The following KSR2 variants were observed in gnomAD, a reference collection of about 807,000 sequenced individuals.
KSR2 encodes kinase suppressor of ras 2.
KSR2 carries 25 observed loss-of-function variants against 107.8 expected under a neutral mutation model. The ratio of observed to expected loss-of-function variants is 0.23; its 90% CI spans 0.17 to 0.32. The LOEUF (loss-of-function observed/expected upper bound fraction) is 0.32, where lower values mean the gene tolerates loss of function less well. KSR2 is among the 10% of genes least tolerant of loss of function. The pLI is 1.00. For missense variants in KSR2, 887 were observed against 1,268.9 expected (o/e 0.70, Z 4.57); for synonymous variants, 480 against 507.0 (o/e 0.95, Z 0.71).
chr12:117,697,909 A>C (rs1433156235), intron 4 of KSR2, among the ~76,000 whole-genome samples: 4 of 152,138 alleles, frequency 2.6e-5, no homozygotes, highest in African/African-American at 4.8e-5. Flanking sequence ...TCATAACTGG[A>C]GTAGGGTGGA....
At chr12:117,835,089 T>C (rs1892145407) in intron 3 of KSR2, among the ~76,000 whole-genome samples, 1 of 152,092 alleles carries the variant, frequency 6.6e-6, no homozygotes, top group African/African-American at 2.4e-5. Context: ...CCTCAGGCAT[T>C]TGGCAGACCA....
chr12:117,724,893 T>A, intron 4 of KSR2, among the ~76,000 whole-genome samples: 1 of 151,236 alleles, frequency 6.6e-6, no homozygotes, highest in Admixed American at 6.6e-5. Flanking sequence ...GTCAAGAGAG[T>A]CAAAGACAAG....
rs552764447 is a variant in KSR2 at position 117,551,727 on chromosome 12, A to G, written c.1518+3442T>C. On this transcript the variant is annotated intron_variant, in intron 9 of 19. Transcript: ENST00000339824. Reference sequence around the variant, plus strand: ...ACCACATCATTGCCTGACAAGAAGAATCTGTGTGAAGCCAGCGAGAAGGGA... The same window carrying G: ...ACCACATCATTGCCTGACAAGAAGAGTCTGTGTGAAGCCAGCGAGAAGGGA... Among the ~76,000 whole-genome samples, 5 of 152,360 alleles carry G rather than the reference A, an allele frequency of 3.3e-5. No homozygotes were observed. In the South Asian group the frequency reaches 1.0e-3, roughly 32 times the overall value.
At chr12:117,742,162 G>C (rs902037292) in intron 4 of KSR2, among the ~76,000 whole-genome samples, 1 of 152,142 alleles carries the variant, frequency 6.6e-6, no homozygotes, top group Non-Finnish European at 1.5e-5. Flanking sequence ...AAAAAAACAA[G>C]TTGAAAGATA....
At chr12:117,830,793 A>G (rs6490158) in intron 3 of KSR2, among the ~76,000 whole-genome samples, 11,531 of 152,158 alleles carry the variant, frequency 0.076, 1,352 homozygotes, top group African/African-American at 0.24. Context: ...AAGACATGAT[A>G]CTGTTTGGGT....
rs142437767 is a variant in KSR2, at chr12:117,638,611, G to A, written c.1171+28863C>T. ...TAAAAGATATACTATTTAGGGACAT[G>A]TACATGTGAGGTTTCCCACAGGGGA... On this transcript the variant is annotated intron_variant, in intron 5 of 19. Coordinates refer to ENST00000339824, the MANE Select transcript of KSR2 (RefSeq NM_173598.6). Among the ~76,000 whole-genome samples, 56 of 152,244 alleles carry A rather than the reference G, an allele frequency of 3.7e-4. No homozygotes were observed. The East Asian group carries it at 9.7e-3, about 26-fold the overall frequency.
rs897038804 is a variant in KSR2, at chr12:117,606,828, C to G, written c.1172-24469G>C. On this transcript the variant is annotated intron_variant, in intron 5 of 19. Coordinates refer to ENST00000339824, the MANE Select transcript of KSR2 (RefSeq NM_173598.6). ...TCCTTTCTCCTCTCTCTCCCTCTCT[C>G]CCTGTTTTCCTCAATGAAGAAAACG... Among the ~76,000 whole-genome samples, 24 of 151,842 alleles carry G rather than the reference C, an allele frequency of 1.6e-4. 1 individual carries two copies. Among genetic ancestry groups the G allele is most frequent in the Admixed American group, 8.5e-4 (13 of 15,236 alleles).
chr12:117,615,214 TACACACACACACAC>T (rs57116320), intron 5 of KSR2, among the ~76,000 whole-genome samples: 12,147 of 147,604 alleles, frequency 0.082, 912 homozygotes, highest in East Asian at 0.22. Flanking sequence ...TCTCTTCAGT[TACACACACACACAC>T]ACACACACAC....
intron 5 of KSR2, among the ~76,000 whole-genome samples, chr12:117,660,415 C>A (rs2136462737): frequency 6.6e-6 from 1 of 152,276 alleles, no homozygotes; most frequent in Non-Finnish European, 1.5e-5. Context: ...CTCTGGCAAT[C>A]CTTGGTGTTC....
At chr12:117,686,215 ATTTTTTTTTTTTTTTTTT>A (rs55772468) in intron 4 of KSR2, among the ~76,000 whole-genome samples, 1 of 78,042 alleles carries the variant, frequency 1.3e-5, no homozygotes, top group Non-Finnish European at 2.2e-5. Context: ...CACCCAGCTA[ATTTTTTTTTTTTTTTTTT>A]TTTTTTTTTT....
chr12:117,575,010 C>G (rs10507282), intron 7 of KSR2, among the ~76,000 whole-genome samples: 16,077 of 152,074 alleles, frequency 0.11, 981 homozygotes, highest in East Asian at 0.18. Context: ...TTGCAAAGTT[C>G]TCACTCAGGT....
chr12:117,900,000 T>A (rs1894633717), intron 1 of KSR2, among the ~76,000 whole-genome samples: 1 of 152,110 alleles, frequency 6.6e-6, no homozygotes, highest in Admixed American at 6.5e-5. Context: ...TAGAAGCAGA[T>A]CTCCCCCAGT....
At chr12:117,789,705 G>A (rs1158957258) in intron 3 of KSR2, among the ~76,000 whole-genome samples, 3 of 152,110 alleles carry the variant, frequency 2.0e-5, no homozygotes, top group Non-Finnish European at 2.9e-5. Flanking sequence ...AAAACGTAAT[G>A]CTTGAGGGAA....
intron 4 of KSR2, among the ~76,000 whole-genome samples, chr12:117,670,631 T>A (rs1011887684): frequency 6.6e-6 from 1 of 152,162 alleles, no homozygotes. Flanking sequence ...TTTTGCTTCA[T>A]CCACCTCTTT....
At chr12:117,525,519 C>T (rs556107603) in intron 13 of KSR2, among the ~76,000 whole-genome samples, 1 of 152,226 alleles carries the variant, frequency 6.6e-6, no homozygotes, top group South Asian at 2.1e-4. Flanking sequence ...CTGGAATCTT[C>T]CTGGTTTTAG....
intron 4 of KSR2, among the ~76,000 whole-genome samples, chr12:117,714,292 C>A (rs1332682177): frequency 6.6e-6 from 1 of 152,058 alleles, no homozygotes; most frequent in Non-Finnish European, 1.5e-5. Flanking sequence ...TTTCTTCACC[C>A]CAACATGTAC....
chr12:117,858,234 T>C (rs574504990), intron 2 of KSR2, among the ~76,000 whole-genome samples: 48 of 152,280 alleles, frequency 3.2e-4, no homozygotes, highest in African/African-American at 1.0e-3. Context: ...TAGAATCGAA[T>C]CGTTTCTACC....
At chr12:117,753,332 G>GT in intron 4 of KSR2, among the ~76,000 whole-genome samples, 1 of 152,220 alleles carries the variant, frequency 6.6e-6, no homozygotes, top group East Asian at 1.9e-4. Flanking sequence ...ATAAACTATT[G>GT]TAAAAATCCA....
Position 117,608,356 on chromosome 12 carries a change from A to G in KSR2, c.1172-25997T>C, listed in dbSNP as rs116125999. Among the ~76,000 whole-genome samples the G allele has an allele frequency of 3.1e-3, 477 of 152,376 alleles. 4 individuals carry two copies. Among genetic ancestry groups the G allele is most frequent in the African/African-American group, 0.011 (449 of 41,592 alleles). ...CCACTGAACAAAGAAATGTGCAAAC[A>G]AATGTACAAAACCACAGATGATTTT... On this transcript the variant is annotated intron_variant, in intron 5 of 19. Coordinates refer to ENST00000339824, the MANE Select transcript of KSR2 (RefSeq NM_173598.6).
Sources: allele counts gnomAD v4.1 joint callset (sites outside exome capture counted in the v4.1 genomes callset), GRCh38; gene constraint gnomAD v4.1.1; transcripts MANE v1.5; gene names NCBI Gene and HGNC (gene_info 2026-07-23, HGNC 2026-07-21).